Variants in VAT1L observed in about 807,000 individuals in gnomAD.
The protein encoded by VAT1L is vesicle amine transport 1 like, also known as putative NADPH-dependent quinone oxidoreductase VAT1L.
Under a neutral mutation model 44.1 loss-of-function variants are expected in VAT1L, and 34 were observed. The ratio of observed to expected loss-of-function variants is 0.77; its 90% CI spans 0.59 to 1.03. VAT1L has a LOEUF of 1.03. VAT1L is among the 50% of genes least tolerant of loss of function. The probability of loss-of-function intolerance (pLI) is 0.00; values close to 1 mark genes in which losing one functional copy is unlikely to be tolerated. For missense variants in VAT1L, 615 were observed against 538.8 expected, an observed-to-expected ratio of 1.14 and a Z score of -1.40; for synonymous variants, 253 against 202.2, an observed-to-expected ratio of 1.25 and a Z score of -2.13.
chr16:77,899,342 C>T (rs1054482730), intron 7 of VAT1L, among the ~76,000 whole-genome samples: 2 of 152,198 alleles, frequency 1.3e-5, no homozygotes, highest in African/African-American at 4.8e-5. Context: ...ACCTGGTTGC[C>T]CCGTCAGGCA....
chr16:77,866,480 G>T (rs1184597363), intron 4 of VAT1L, among the ~76,000 whole-genome samples: 2 of 152,110 alleles, frequency 1.3e-5, no homozygotes, highest in Non-Finnish European at 2.9e-5. Context: ...AATTCTCGGT[G>T]CATGTAGACT....
intron 1 of VAT1L, among the ~76,000 whole-genome samples, chr16:77,811,388 G>A (rs1355763152): frequency 6.6e-6 from 1 of 152,082 alleles, no homozygotes; most frequent in African/African-American, 2.4e-5. Context: ...GAAATCAAAT[G>A]TGTCTTCATT....
intron 7 of VAT1L, among the ~76,000 whole-genome samples, chr16:77,969,837 C>T (rs12325568): frequency 0.05 from 7,580 of 151,868 alleles, 446 homozygotes; most frequent in East Asian, 0.23. Flanking sequence ...CTTTGAAAAG[C>T]AGAGCTCACT....
chr16:77,845,535 C>T (rs1220474813), intron 3 of VAT1L, among the ~76,000 whole-genome samples: 2 of 152,188 alleles, frequency 1.3e-5, no homozygotes, highest in East Asian at 3.9e-4. Context: ...AAACTATATG[C>T]ACCCACACTT....
intron 7 of VAT1L, among the ~76,000 whole-genome samples, chr16:77,889,147 C>G (rs772268478): frequency 6.6e-6 from 1 of 152,170 alleles, no homozygotes; most frequent in Non-Finnish European, 1.5e-5. Flanking sequence ...AATTGCTTCT[C>G]AATCCAGCTC....
chr16:77,953,085 C>T (rs1024305731), intron 7 of VAT1L, among the ~76,000 whole-genome samples: 2 of 152,110 alleles, frequency 1.3e-5, no homozygotes, highest in Middle Eastern at 6.8e-3. Context: ...GAGAGAATGC[C>T]ATATGATGAT....
chr16:77,795,278 G>GA (rs2015907426), intron 1 of VAT1L, among the ~76,000 whole-genome samples: 2 of 12,300 alleles, frequency 1.6e-4, no homozygotes, highest in Admixed American at 1.1e-3. Flanking sequence ...AATTTACAGT[G>GA]GGGGCGGGGG....
chr16:77,827,283 C>T (rs2016533054), intron 3 of VAT1L, among the ~76,000 whole-genome samples: 1 of 152,158 alleles, frequency 6.6e-6, no homozygotes, highest in South Asian at 2.1e-4. Context: ...TGTAGTCATA[C>T]TATCAGCATA....
At chr16:77,832,552 T>G (rs1330364092) in intron 3 of VAT1L, among the ~76,000 whole-genome samples, 1 of 152,176 alleles carries the variant, frequency 6.6e-6, no homozygotes, top group Non-Finnish European at 1.5e-5. Flanking sequence ...CTAAGACATT[T>G]GGGGAAAACA....
At chr16:77,817,749 C>T (rs909558429) in intron 2 of VAT1L, among the ~76,000 whole-genome samples, 6 of 152,118 alleles carry the variant, frequency 3.9e-5, no homozygotes, top group Middle Eastern at 3.2e-3. Flanking sequence ...ACTATTATAA[C>T]GCAAATCAAA....
intron 7 of VAT1L, among the ~76,000 whole-genome samples, chr16:77,945,724 G>C (rs1246348456): frequency 1.3e-5 from 2 of 151,710 alleles, no homozygotes; most frequent in Non-Finnish European, 2.9e-5. Flanking sequence ...TGTATGAGTT[G>C]TCTTTTCTTT....
At chr16:77,809,202 A>G (rs2016220597) in intron 1 of VAT1L, among the ~76,000 whole-genome samples, 1 of 152,208 alleles carries the variant, frequency 6.6e-6, no homozygotes, top group African/African-American at 2.4e-5. Context: ...AATGGGGGTA[A>G]TATTGTTGAT....
chr16:77,847,481 A>G (rs983166606), intron 3 of VAT1L, among the ~76,000 whole-genome samples: 2 of 152,134 alleles, frequency 1.3e-5, no homozygotes, highest in Non-Finnish European at 2.9e-5. Flanking sequence ...ATTTTAACCC[A>G]TGGGTGCATT....
chr16:77,870,752 C>G (rs1191852777), intron 4 of VAT1L, among the ~76,000 whole-genome samples: 1 of 152,238 alleles, frequency 6.6e-6, no homozygotes, highest in East Asian at 1.9e-4. Flanking sequence ...ACACCTTCTT[C>G]GCTTTCATGT....
At chr16:77,962,739 A>AAGGAGGGAAGGAAG (rs1567523608) in intron 7 of VAT1L, among the ~76,000 whole-genome samples, 1 of 129,328 alleles carries the variant, frequency 7.7e-6, no homozygotes, top group Non-Finnish European at 1.6e-5. Context: ...AAAGAAGGAA[A>AAGGAGGGAAGGAAG]GAAGGAAGGA....
At chr16:77,901,133 G>A (rs1468721901) in intron 7 of VAT1L, among the ~76,000 whole-genome samples, 1 of 149,558 alleles carries the variant, frequency 6.7e-6, no homozygotes. Flanking sequence ...ATGGTGGTAG[G>A]TGTGTGACCA....
intron 7 of VAT1L, among the ~76,000 whole-genome samples, chr16:77,940,596 G>A (rs2017870344): frequency 1.3e-5 from 2 of 152,084 alleles, no homozygotes; most frequent in Non-Finnish European, 2.9e-5. Flanking sequence ...GCCCGCCTCA[G>A]CCTCCCAAAG....
At chr16:77,915,927 G>T (rs1482609957) in intron 7 of VAT1L, among the ~76,000 whole-genome samples, 13 of 152,178 alleles carry the variant, frequency 8.5e-5, no homozygotes. Flanking sequence ...GTGGGTAAAT[G>T]AAGGCTAATC....
intron 8 of VAT1L, among the ~76,000 whole-genome samples, chr16:77,975,193 ACTTTTT>A (rs2018323377): frequency 1.9e-5 from 1 of 51,540 alleles, no homozygotes; most frequent in African/African-American, 7.1e-5. Context: ...TGGAATGACC[ACTTTTT>A]TTTTTTTTTT....
Sources: gnomAD v4.1 joint callset for allele counts (sites outside exome capture counted in the v4.1 genomes callset) on GRCh38, gnomAD v4.1.1 for gene constraint, MANE v1.5 for transcripts, NCBI Gene and HGNC (gene_info 2026-07-23, HGNC 2026-07-21) for gene names.